The following TP53TG5 variants were observed in gnomAD, a reference collection of about 807,000 sequenced individuals.
TP53TG5 encodes the protein TP53-target gene 5 protein.
In TP53TG5, 17 loss-of-function variants were observed where a neutral mutation model predicts 30.0. The ratio of observed to expected loss-of-function variants is 0.57; its 90% CI spans 0.39 to 0.85. TP53TG5 has a LOEUF of 0.85. Ranked by LOEUF, TP53TG5 falls within the 40% of genes least tolerant of loss-of-function variation. The pLI is 0.00. For synonymous variants in TP53TG5, 137 were observed against 139.2 expected (o/e 0.98, Z 0.11); for missense variants, 338 against 367.9 (o/e 0.92, Z 0.67).
Position 45,374,018 on chromosome 20 carries a change from G to C in TP53TG5, c.769-7C>G. 1.2e-6 allele frequency: 2 copies of C among 1,613,812 alleles called. No homozygotes were observed. Among genetic ancestry groups the C allele is most frequent in the Non-Finnish European group, 1.7e-6 (2 of 1,179,982 alleles). ...TCGTCCAGGTCACATCAACCTGCCA[G>C]CAGAAACCTCGGTGTTAGGCGCTAA... is the stretch of plus-strand genomic sequence containing the variant. On this transcript the variant is annotated splice_region_variant and splice_polypyrimidine_tract_variant and intron_variant, in intron 4 of 4. Transcript: ENST00000372726.
chr20:45,376,089 A>G (rs1432222873), intron 3 of TP53TG5: 1 of 152,492 alleles, frequency 6.6e-6, no homozygotes, highest in African/African-American at 2.4e-5. Flanking sequence ...CCATACAAAA[A>G]AAAAATTTTT....
At position 45,373,462 on chromosome 20, in the gene TP53TG5, C is replaced by T. The variant is rs1319193304; in HGVS notation, c.*445G>A. 9.1e-6 allele frequency: 2 copies of T among 218,796 alleles called. No individual in the cohort carries two copies. Among genetic ancestry groups the T allele is most frequent in the Non-Finnish European group, 1.9e-5 (2 of 107,194 alleles). The allele number at this position is 218,796 out of a possible 1,614,324, so 13.6% of individuals were successfully genotyped here. On this transcript the variant is annotated 3_prime_UTR_variant, in exon 5 of 5. Transcript: ENST00000372726. ...GACCTACAGGGTGCTGGGGCTATTC[C>T]GCCTGCCTCGTGACTTCTGAGCAGG...
intron 3 of TP53TG5, chr20:45,376,810 CA>C (rs1988748186): frequency 6.4e-6 from 1 of 155,356 alleles, no homozygotes; most frequent in South Asian, 2.1e-4. Context: ...CAAGCCTCAG[CA>C]AGATTAATCT....
intron 1 of TP53TG5, among the ~76,000 whole-genome samples, 174 bp from the exon 2 acceptor site, chr20:45,377,787 C>G (rs773706641): frequency 6.6e-6 from 1 of 151,740 alleles, no homozygotes; most frequent in Non-Finnish European, 1.5e-5. Flanking sequence ...AAAAAAAATA[C>G]AAAAATTAGC....
intron 3 of TP53TG5, chr20:45,376,361 A>G (rs1313068995): frequency 6.6e-6 from 1 of 152,214 alleles, no homozygotes; most frequent in East Asian, 1.9e-4. Context: ...GATGATAATA[A>G]TGGCTCCCGC....
chr20:45,374,171 A>T (rs1184425879), intron 4 of TP53TG5, 160 bp from the exon 5 acceptor site: 2 of 684,452 alleles, frequency 2.9e-6, no homozygotes, highest in East Asian at 2.7e-5. Context: ...CCCGGTGGGC[A>T]CTCACCCCCT....
At chr20:45,376,643 A>G (rs1163074749) in intron 3 of TP53TG5, 2 of 152,274 alleles carry the variant, frequency 1.3e-5, no homozygotes, top group African/African-American at 4.8e-5. Flanking sequence ...TAAATGGGAA[A>G]ATTCTTAAGT....
intron 4 of TP53TG5, 124 bp downstream of exon 4, chr20:45,374,915 C>T: frequency 7.4e-7 from 1 of 1,354,602 alleles, no homozygotes; most frequent in Non-Finnish European, 1.0e-6. Flanking sequence ...GCGGAGCCTC[C>T]CAGCACTACC....
intron 3 of TP53TG5, chr20:45,375,906 G>A (rs1209821650): frequency 4.5e-6 from 1 of 223,360 alleles, no homozygotes; most frequent in African/African-American, 2.3e-5. Context: ...TTAGGGTTCT[G>A]AGGAGGTGTC....
chr20:45,377,589 C>T lies in TP53TG5; in HGVS notation c.73G>A (p.Glu25Lys), dbSNP rs777445863. The T allele has an allele frequency of 1.8e-5, 29 of 1,613,914 alleles. No individual in the cohort carries two copies. The highest frequency in any genetic ancestry group is 2.2e-5 in the South Asian group (2 of 91,044). Reference sequence around the variant, plus strand: ...ACTTTGCTCACAGGCTGCTCTGTCTCGTCCCGCAGTTTCTCATCTTGCATC... The same window carrying T: ...ACTTTGCTCACAGGCTGCTCTGTCTTGTCCCGCAGTTTCTCATCTTGCATC... ...SKMQDEKLRD[E>K]TEQPVSKVIE... The change falls in exon 2 of 5, where the codon GAG becomes AAG. Residue 25 changes from glutamate to lysine, a missense_variant. By Grantham distance (56) the Glu-to-Lys change is moderately conservative. Coordinates refer to ENST00000372726, the MANE Select transcript of TP53TG5 (RefSeq NM_014477.3).
In TP53TG5 at chr20:45,375,257, C is replaced by T. The variant is rs1988692606; in HGVS notation, c.550G>A (p.Val184Ile). 6.2e-7 allele frequency: 1 copy of T among 1,614,046 alleles called. No homozygotes were observed. The highest frequency in any genetic ancestry group is 1.3e-5 in the African/African-American group (1 of 74,918). ...TTGCGGTAGGGCTTAATGAAGATGA[C>T]TCGGGGGCCCTCGGTGAGTGGTTGC... ...GRQPLTEGPR[V>I]IFIKPYRNRT... Residue 184 changes from valine (V) to isoleucine (I), a missense_variant, in exon 4 of 5, where the codon GTC (valine) becomes ATC (isoleucine). Transcript: ENST00000372726.
rs570738339 is a variant in TP53TG5, at chr20:45,373,835, C to T, written c.*72G>A. 49 of 1,475,098 alleles carry T rather than the reference C, an allele frequency of 3.3e-5. No individual in the cohort carries two copies. In the African/African-American group the frequency reaches 6.4e-4, roughly 19 times the overall value. 91.4% of individuals were successfully genotyped at this position (1,475,098 alleles called of 1,614,324 possible). A position where few individuals can be genotyped will look rare whatever the true frequency, so the allele number is the denominator to read the frequency against. ...GGCTCCCTCTACCGAAGGCCTCTTT[C>T]CTTCATCCTTCCCAGCCCCAGACAA... On this transcript the variant is annotated 3_prime_UTR_variant, in exon 5 of 5. Coordinates refer to ENST00000372726, the MANE Select transcript of TP53TG5 (RefSeq NM_014477.3).
In TP53TG5 at chr20:45,373,987, T is replaced by C; in HGVS notation, c.793A>G (p.Arg265Gly). The change falls in exon 5 of 5, where the codon AGA becomes GGA. Residue 265 changes from arginine (R) to glycine (G), a missense_variant. Physicochemically the swap from Arg to Gly is moderately radical, Grantham distance 125. Coordinates refer to ENST00000372726, the MANE Select transcript of TP53TG5 (RefSeq NM_014477.3). ...YKVDVTWTRA[R>G]GASRGWRSRH... Reference sequence around the variant, plus strand: ...GATCTCCACCCTCTGCTCGCACCTCTGGCTCTCGTCCAGGTCACATCAACC... The same window carrying C: ...GATCTCCACCCTCTGCTCGCACCTCCGGCTCTCGTCCAGGTCACATCAACC... The C allele has an allele frequency of 6.2e-7, 1 of 1,614,098 alleles. No homozygotes were observed. Among genetic ancestry groups the C allele is most frequent in the Non-Finnish European group, 8.5e-7 (1 of 1,180,034 alleles).
In TP53TG5 at chr20:45,375,149, G is replaced by A; in HGVS notation, c.658C>T (p.Leu220Phe). ...WFEGLPTRIHLPAPRVMCRSS... is the reference protein window; with the variant it reads ...WFEGLPTRIHFPAPRVMCRSS... Reference sequence around the variant, plus strand: ...CTGCACATCACCCTGGGCGCCGGGAGGTGGATTCGTGTGGGCAGCCCCTCA... The same window carrying A: ...CTGCACATCACCCTGGGCGCCGGGAAGTGGATTCGTGTGGGCAGCCCCTCA... The change falls in exon 4 of 5, where the codon CTC becomes TTC. Residue 220 changes from leucine to phenylalanine, a missense_variant. Transcript: ENST00000372726. The A allele has an allele frequency of 1.2e-6, 2 of 1,614,150 alleles. No homozygotes were observed. Among genetic ancestry groups the A allele is most frequent in the Non-Finnish European group, 1.7e-6 (2 of 1,180,038 alleles).
intron 4 of TP53TG5, chr20:45,374,534 G>A (rs1988662620): frequency 1.9e-6 from 1 of 521,038 alleles, no homozygotes; most frequent in Non-Finnish European, 3.4e-6. Context: ...GACCTCCCAA[G>A]GTGCTGGGAT....
In TP53TG5 at chr20:45,375,254, T is replaced by C. The variant is rs775559785; in HGVS notation, c.553A>G (p.Ile185Val). ...CTATTGCGGTAGGGCTTAATGAAGA[T>C]GACTCGGGGGCCCTCGGTGAGTGGT... The part of the protein sequence containing the change: ...RQPLTEGPRV[I>V]FIKPYRNRTP... Residue 185 changes from isoleucine to valine, a missense_variant, in exon 4 of 5, where the codon ATC becomes GTC. By Grantham distance (29) the Ile-to-Val change is conservative. Coordinates refer to ENST00000372726, the MANE Select transcript of TP53TG5 (RefSeq NM_014477.3). 17 of 1,614,188 alleles carry C rather than the reference T, an allele frequency of 1.1e-5. No homozygotes were observed. Among genetic ancestry groups the C allele is most frequent in the Admixed American group, 6.7e-5 (4 of 60,034 alleles).
intron 4 of TP53TG5, chr20:45,374,477 G>GC: frequency 1.8e-6 from 1 of 562,860 alleles, no homozygotes; most frequent in East Asian, 2.9e-5. Context: ...TCATTATGTT[G>GC]CCCAGGATGG....
chr20:45,377,128 C>T (rs917935424), intron 3 of TP53TG5, 84 bp downstream of exon 3: 9 of 1,542,340 alleles, frequency 5.8e-6, no homozygotes, highest in Middle Eastern at 4.8e-4. Context: ...GAAAATTAGA[C>T]TTGTTCTCTA....
At position 45,373,484 on chromosome 20, in the gene TP53TG5, C is replaced by T; in HGVS notation, c.*423G>A. 4.3e-6 allele frequency: 1 copy of T among 230,440 alleles called. No homozygotes were observed. Among genetic ancestry groups the T allele is most frequent in the Non-Finnish European group, 8.8e-6 (1 of 114,162 alleles). The allele number at this position is 230,440 out of a possible 1,614,324, so 14.3% of individuals were successfully genotyped here. A position where few individuals can be genotyped will look rare whatever the true frequency, so the allele number is the denominator to read the frequency against. On this transcript the variant is annotated 3_prime_UTR_variant, in exon 5 of 5. Coordinates refer to ENST00000372726, the MANE Select transcript of TP53TG5 (RefSeq NM_014477.3). ...TTCCGCCTGCCTCGTGACTTCTGAG[C>T]AGGCTCTCATTTCGCCTTTTCCCTT... is the stretch of plus-strand genomic sequence containing the variant.
Sources: allele counts gnomAD v4.1 joint callset (sites outside exome capture counted in the v4.1 genomes callset), GRCh38; gene constraint gnomAD v4.1.1; transcripts MANE v1.5; gene names NCBI Gene and HGNC (gene_info 2026-07-23, HGNC 2026-07-21).